FSTL4: variants seen among roughly 807,000 people sequenced by gnomAD.
The protein encoded by FSTL4 is follistatin-related protein 4.
In FSTL4, 28 loss-of-function variants were observed where a neutral mutation model predicts 78.2. The observed-to-expected ratio is 0.36, with a 90% confidence interval of 0.27 to 0.49. The LOEUF (loss-of-function observed/expected upper bound fraction) is 0.49. FSTL4 is among the 20% of genes least tolerant of loss of function. The pLI, the probability that FSTL4 is intolerant of heterozygous loss-of-function variation, is 0.98. For missense variants in FSTL4, 922 were observed against 1,084.9 expected (o/e 0.85, Z 2.11); for synonymous variants, 422 against 440.5 (o/e 0.96, Z 0.53).
At chr5:133,819,529 T>A in the FSTL4 span, among the ~76,000 whole-genome samples, 1 of 152,122 alleles carries the variant, frequency 6.6e-6, no homozygotes, top group Admixed American at 6.5e-5. Flanking sequence ...TGCACTGAAC[T>A]GTAGGCTATA....
chr5:133,223,961 T>G, intron 11 of FSTL4: 1 of 477,820 alleles, frequency 2.1e-6, no homozygotes, highest in South Asian at 3.2e-5. Flanking sequence ...TCAGCAGAGG[T>G]TACAAGCCAC....
chr5:133,732,563 G>A, the FSTL4 span, among the ~76,000 whole-genome samples: 16 of 152,078 alleles, frequency 1.1e-4, no homozygotes, highest in East Asian at 1.5e-3. Flanking sequence ...CACACCCAGC[G>A]AAAACTACCA....
intron 6 of FSTL4, among the ~76,000 whole-genome samples, chr5:133,275,055 A>G (rs1752849578): frequency 6.6e-6 from 1 of 151,558 alleles, no homozygotes; most frequent in Non-Finnish European, 1.5e-5. Flanking sequence ...TGAGGTTAGG[A>G]GTTTGAGACC....
chr5:133,365,489 C>A (rs1324289895), intron 4 of FSTL4, among the ~76,000 whole-genome samples: 1 of 152,158 alleles, frequency 6.6e-6, no homozygotes, highest in Non-Finnish European at 1.5e-5. Context: ...CACCAGGGGA[C>A]AGCATGCCCC....
the FSTL4 span, among the ~76,000 whole-genome samples, chr5:133,733,351 A>G: frequency 0.019 from 2,897 of 152,326 alleles, 100 homozygotes; most frequent in African/African-American, 0.066. Context: ...ACTGATCAAC[A>G]TTAACACTCC....
intron 6 of FSTL4, among the ~76,000 whole-genome samples, chr5:133,260,116 T>C (rs910545840): frequency 2.0e-5 from 3 of 152,232 alleles, no homozygotes; most frequent in Admixed American, 2.0e-4. Flanking sequence ...GTCTTTATCA[T>C]CTGGGTCCCC....
chr5:133,479,098 A>G (rs536530188), intron 3 of FSTL4, among the ~76,000 whole-genome samples: 9 of 152,314 alleles, frequency 5.9e-5, no homozygotes, highest in African/African-American at 2.2e-4. Context: ...AGTCCTTATT[A>G]TATGTCTCCA....
chr5:133,363,541 G>A (rs938857697), intron 4 of FSTL4, among the ~76,000 whole-genome samples: 1 of 152,122 alleles, frequency 6.6e-6, no homozygotes, highest in Admixed American at 6.5e-5. Flanking sequence ...GAATTTGAAT[G>A]GCCAGCCGCA....
chr5:133,449,296 G>A (rs528271594), intron 3 of FSTL4, among the ~76,000 whole-genome samples: 6 of 152,284 alleles, frequency 3.9e-5, no homozygotes, highest in Admixed American at 3.9e-4. Flanking sequence ...TCTTCAGAAC[G>A]CTGGGCCTGG....
At chr5:133,652,698 C>T in the FSTL4 span, among the ~76,000 whole-genome samples, 2 of 152,312 alleles carry the variant, frequency 1.3e-5, no homozygotes, top group East Asian at 1.9e-4. Flanking sequence ...TCTTCATGAA[C>T]ATTCCACATG....
At chr5:133,736,844 G>C in the FSTL4 span, among the ~76,000 whole-genome samples, 4 of 152,158 alleles carry the variant, frequency 2.6e-5, no homozygotes, top group Admixed American at 1.3e-4. Context: ...GTCAGTCATA[G>C]GTCCAGCAAT....
intron 3 of FSTL4, among the ~76,000 whole-genome samples, chr5:133,508,964 T>C (rs1316495033): frequency 6.6e-6 from 1 of 152,168 alleles, no homozygotes; most frequent in African/African-American, 2.4e-5. Context: ...AATCTTGTAA[T>C]CCTTCCTTGT....
intron 3 of FSTL4, among the ~76,000 whole-genome samples, chr5:133,446,495 C>T (rs1757268238): frequency 1.3e-5 from 2 of 152,194 alleles, no homozygotes; most frequent in South Asian, 4.1e-4. Flanking sequence ...ACCTGTTCCA[C>T]ACTGTGGGGC....
the FSTL4 span, among the ~76,000 whole-genome samples, chr5:133,643,335 C>T: frequency 2.0e-4 from 30 of 152,144 alleles, no homozygotes; most frequent in African/African-American, 4.8e-4. Context: ...AAGTTTTTCA[C>T]GCTGTTATAA....
At chr5:133,625,627 A>C in the FSTL4 span, among the ~76,000 whole-genome samples, 7 of 142,946 alleles carry the variant, frequency 4.9e-5, no homozygotes, top group Admixed American at 4.3e-4. Context: ...TTCTTTTCTT[A>C]TTTTTATTAC....
chr5:133,830,305 T>TG, the FSTL4 span, among the ~76,000 whole-genome samples: 1 of 152,308 alleles, frequency 6.6e-6, no homozygotes. Flanking sequence ...GATGTGCCTG[T>TG]GTCAGAAGAG....
chr5:133,417,014 T>C (rs1359898874), intron 3 of FSTL4, among the ~76,000 whole-genome samples: 2 of 152,190 alleles, frequency 1.3e-5, no homozygotes, highest in African/African-American at 4.8e-5. Context: ...AAATAGGGCA[T>C]CCAAAATTGC....
At chr5:133,300,635 G>A (rs1474692612) in intron 6 of FSTL4, among the ~76,000 whole-genome samples, 5 of 152,218 alleles carry the variant, frequency 3.3e-5, no homozygotes, top group Non-Finnish European at 5.9e-5. Context: ...AGGCAGGGAT[G>A]TGACTTCTGT....
At chr5:133,665,237 T>G in the FSTL4 span, among the ~76,000 whole-genome samples, 1 of 152,210 alleles carries the variant, frequency 6.6e-6, no homozygotes, top group South Asian at 2.1e-4. Context: ...TTCCTAAACC[T>G]CAGTGGCTTG....
Sources: gnomAD v4.1 joint callset for allele counts (sites outside exome capture counted in the v4.1 genomes callset) on GRCh38, gnomAD v4.1.1 for gene constraint, MANE v1.5 for transcripts, NCBI Gene and HGNC (gene_info 2026-07-23, HGNC 2026-07-21) for gene names.